CBR4: variants seen among roughly 807,000 people sequenced by gnomAD.
CBR4 encodes carbonyl reductase 4, also known as 3-oxoacyl-[acyl-carrier-protein] reductase.
A neutral mutation model predicts 21.0 loss-of-function variants in CBR4; 22 were observed. The observed-to-expected ratio is 1.05, with a 90% CI of 0.75 to 1.50. CBR4 has a LOEUF of 1.50. Among genes scored for constraint, CBR4 ranks in the 40% most tolerant of loss-of-function variants. The pLI is 0.00. For missense variants in CBR4, 302 were observed against 286.3 expected, an observed-to-expected ratio of 1.05 and a Z score of -0.40; for synonymous variants, 100 against 104.4, an observed-to-expected ratio of 0.96 and a Z score of 0.26.
At position 168,990,111 on chromosome 4, in the gene CBR4, C is replaced by T. The variant is rs745810749; in HGVS notation, c.*39G>A. The T allele has an allele frequency of 1.3e-6, 2 of 1,488,362 alleles. No homozygotes were observed. The highest frequency in any genetic ancestry group is 2.8e-5 in the African/African-American group (2 of 70,336). The allele number at this position is 1,488,362 out of a possible 1,614,324, so 92.2% of individuals were successfully genotyped here. A position where few individuals can be genotyped will look rare whatever the true frequency, so the allele number is the denominator to read the frequency against. On this transcript the variant is annotated 3_prime_UTR_variant, in exon 5 of 5. Coordinates refer to ENST00000306193, the MANE Select transcript of CBR4 (RefSeq NM_032783.5). Reference sequence around the variant, plus strand: ...GTCTAATCAGTAGCCAAAGTGTGCCCTTGATGCTAATCACCCCTATAACTG... The same window carrying T: ...GTCTAATCAGTAGCCAAAGTGTGCCTTTGATGCTAATCACCCCTATAACTG...
chr4:168,923,586 CT>C (rs11403394), intron 2 of CBR4, among the ~76,000 whole-genome samples: 4 of 149,164 alleles, frequency 2.7e-5, no homozygotes, highest in Non-Finnish European at 3.0e-5. Context: ...CTAAAGTTGT[CT>C]TTTTTTTTTA....
Position 168,988,661 on chromosome 4 carries a change from C to A in CBR4, c.*1489G>T, listed in dbSNP as rs1180130607. On this transcript the variant is annotated 3_prime_UTR_variant, in exon 5 of 5. Transcript: ENST00000306193. ...AATGCCTGATAAATTCTGTATATTA[C>A]CACGTCTTGCATTTAATAGACAATT... The A allele has an allele frequency of 6.1e-6, 6 of 983,564 alleles. No homozygotes were observed. Among genetic ancestry groups the A allele is most frequent in the Middle Eastern group, 5.2e-4 (1 of 1,934 alleles). 60.9% of individuals were successfully genotyped at this position (983,564 alleles called of 1,614,324 possible).
chr4:168,955,414 T>C (rs750962371), intron 2 of CBR4, among the ~76,000 whole-genome samples: 4 of 152,166 alleles, frequency 2.6e-5, no homozygotes, highest in South Asian at 4.1e-4. Context: ...AAACAAACAC[T>C]GTTAGGTTGG....
At chr4:168,968,944 G>A (rs1764124186) in intron 2 of CBR4, among the ~76,000 whole-genome samples, 1 of 152,174 alleles carries the variant, frequency 6.6e-6, no homozygotes, top group Non-Finnish European at 1.5e-5. Flanking sequence ...ATGCATTCAG[G>A]AAGTGGGAAA....
chr4:168,930,216 T>C (rs1762933392), intron 2 of CBR4, among the ~76,000 whole-genome samples: 1 of 152,176 alleles, frequency 6.6e-6, no homozygotes, highest in African/African-American at 2.4e-5. Context: ...ATAATTTGTT[T>C]TATGTATTTT....
chr4:168,930,872 A>G (rs1470574721), intron 2 of CBR4, among the ~76,000 whole-genome samples: 1 of 152,090 alleles, frequency 6.6e-6, no homozygotes, highest in Non-Finnish European at 1.5e-5. Flanking sequence ...CCCTGAACCG[A>G]CTTTAGAGAG....
rs1764847006 is a variant in CBR4, at chr4:168,990,256, A to T, written c.608T>A (p.Phe203Tyr). Residue 203 changes from phenylalanine to tyrosine, a missense_variant, in exon 5 of 5, where the codon TTT becomes TAT. Physicochemically the swap from Phe to Tyr is conservative, Grantham distance 22. Coordinates refer to ENST00000306193, the MANE Select transcript of CBR4 (RefSeq NM_032783.5). Reference sequence around the variant, plus strand: ...ATGTGCCACCTCAATAGTTTCTCCAAACCTCCCAAGAGGAATATTTTTCTT... The same window carrying T: ...ATGTGCCACCTCAATAGTTTCTCCATACCTCCCAAGAGGAATATTTTTCTT... ...HLKKNIPLGR[F>Y]GETIEVAHAV... 6.2e-7 allele frequency: 1 copy of T among 1,613,534 alleles called. No homozygotes were observed. Among genetic ancestry groups the T allele is most frequent in the Admixed American group, 1.7e-5 (1 of 59,962 alleles).
intron 2 of CBR4, among the ~76,000 whole-genome samples, chr4:168,980,639 G>A (rs1764520372): frequency 6.6e-6 from 1 of 152,176 alleles, no homozygotes; most frequent in African/African-American, 2.4e-5. Flanking sequence ...GGGAGGCTGA[G>A]GCAGAAGAAT....
At chr4:168,946,560 T>G (rs957681475) in intron 2 of CBR4, among the ~76,000 whole-genome samples, 5 of 152,004 alleles carry the variant, frequency 3.3e-5, no homozygotes, top group African/African-American at 9.7e-5. Context: ...ATTAAAATGA[T>G]CCACAAAAAT....
rs554955165 is a variant in CBR4, at chr4:168,946,908, A to C, written n.170-52143T>G. ...TCCCACAGTGAAGACTACTACCCGC[A>C]ATCCCAACTACGCACATGGAGCTTC... On this transcript the variant is annotated intron_variant and non_coding_transcript_variant, in intron 2 of 3. Transcript: ENST00000509108. Among the ~76,000 whole-genome samples the C allele has an allele frequency of 6.6e-5, 10 of 152,324 alleles. No homozygotes were observed. The South Asian group carries it at 2.1e-3, about 32-fold the overall frequency.
chr4:168,914,582 A>G (rs1399474905), intron 2 of CBR4, among the ~76,000 whole-genome samples: 4 of 152,172 alleles, frequency 2.6e-5, no homozygotes, highest in Non-Finnish European at 5.9e-5. Context: ...GAGTCTATGC[A>G]AGGACACTGA....
chr4:168,974,628 G>A (rs1265332858), intron 2 of CBR4, among the ~76,000 whole-genome samples: 1 of 151,850 alleles, frequency 6.6e-6, no homozygotes, highest in African/African-American at 2.4e-5. Flanking sequence ...TGTCTTTGTT[G>A]GATTGGGTTA....
At chr4:168,926,496 A>T (rs200629800) in intron 2 of CBR4, 5 of 11,716 alleles carry the variant, frequency 4.3e-4, no homozygotes, top group South Asian at 3.1e-3. Flanking sequence ...ATAAGAAATT[A>T]AAAAAAAAAC....
At chr4:168,900,102 C>G (rs1204575475) in intron 2 of CBR4, among the ~76,000 whole-genome samples, 3 of 151,994 alleles carry the variant, frequency 2.0e-5, no homozygotes, top group Non-Finnish European at 4.4e-5. Flanking sequence ...TGGTGGAGGT[C>G]CCAGACTTTT....
At position 169,007,714 on chromosome 4, in the gene CBR4, T is replaced by C. The variant is rs764452645; in HGVS notation, c.185A>G (p.Asp62Gly). The change falls in exon 2 of 5, where the codon GAT becomes GGT. Residue 62 changes from aspartate (D) to glycine (G), a missense_variant. Physicochemically the swap from Asp to Gly is moderately conservative, Grantham distance 94. Transcript: ENST00000306193. ...AFSCDVAKEH[D>G]VQNTFEELEK... is the part of the protein sequence containing the mutation. ...CAGCTCTTCAAATGTATTTTGAACA[T>C]CATGTTCTTTAGCAACATCACAGCT... 3 of 1,591,328 alleles carry C rather than the reference T, an allele frequency of 1.9e-6. No individual in the cohort carries two copies. Among genetic ancestry groups the C allele is most frequent in the Admixed American group, 1.8e-5 (1 of 56,230 alleles).
rs975988781 is a variant in CBR4, at chr4:168,989,103, T to C, written c.*1047A>G. ...CACTGCTTCTTGTAAAGACATTTAATTTAATGTTATTGCATATTTATTTAT... is the reference window on the plus strand; with the variant it reads ...CACTGCTTCTTGTAAAGACATTTAACTTAATGTTATTGCATATTTATTTAT... On this transcript the variant is annotated 3_prime_UTR_variant, in exon 5 of 5. Transcript: ENST00000306193. The C allele has an allele frequency of 4.7e-5, 46 of 980,614 alleles. 1 individual carries two copies. In the African/African-American group the frequency reaches 7.9e-4, roughly 17 times the overall value. 60.7% of individuals were successfully genotyped at this position (980,614 alleles called of 1,614,324 possible).
chr4:168,967,311 A>G (rs536490009), intron 2 of CBR4, among the ~76,000 whole-genome samples: 1 of 152,218 alleles, frequency 6.6e-6, no homozygotes, highest in South Asian at 2.1e-4. Context: ...AACAATGAGA[A>G]TACATGGACA....
intron 2 of CBR4, among the ~76,000 whole-genome samples, chr4:168,904,845 G>A (rs1368561906): frequency 4.6e-5 from 7 of 151,782 alleles, no homozygotes; most frequent in Non-Finnish European, 8.8e-5. Flanking sequence ...AAAGTTTCTG[G>A]CCCAGGTGCA....
chr4:168,983,735 G>A (rs1764607123), downstream of CBR4, among the ~76,000 whole-genome samples: 1 of 151,834 alleles, frequency 6.6e-6, no homozygotes, highest in Non-Finnish European at 1.5e-5. Context: ...TTTATTCCTG[G>A]GATGCAAGGT....
Sources: gnomAD v4.1 joint callset for allele counts (sites outside exome capture counted in the v4.1 genomes callset) on GRCh38, gnomAD v4.1.1 for gene constraint, MANE v1.5 for transcripts, NCBI Gene and HGNC (gene_info 2026-07-23, HGNC 2026-07-21) for gene names.